DCDC2: variants seen among roughly 807,000 people sequenced by gnomAD.
DCDC2 encodes the protein doublecortin domain containing 2, also known as doublecortin domain-containing protein 2.
In DCDC2, 40 loss-of-function variants were observed where a neutral mutation model predicts 50.2. The observed-to-expected ratio is 0.80, with a 90% CI of 0.62 to 1.04. DCDC2 has a LOEUF of 1.04. DCDC2 is among the 50% of genes least tolerant of loss of function. The pLI, the probability that DCDC2 is intolerant of heterozygous loss-of-function variation, is 0.00. For missense variants in DCDC2, 570 were observed against 581.9 expected (o/e 0.98, Z 0.21); for synonymous variants, 234 against 210.6 (o/e 1.11, Z -0.96).
At chr6:24,254,691 A>G (rs921236056) in intron 7 of DCDC2, among the ~76,000 whole-genome samples, 1 of 152,174 alleles carries the variant, frequency 6.6e-6, no homozygotes. Context: ...CAGACCTGAA[A>G]TTAAAACCAT....
At chr6:24,379,678 T>G in the DCDC2 span, among the ~76,000 whole-genome samples, 1 of 152,182 alleles carries the variant, frequency 6.6e-6, no homozygotes, top group South Asian at 2.1e-4. Flanking sequence ...GACCCAGCGA[T>G]CCCATTACTG....
chr6:24,294,455 A>C (rs1763817978), intron 4 of DCDC2, among the ~76,000 whole-genome samples: 1 of 152,218 alleles, frequency 6.6e-6, no homozygotes, highest in Non-Finnish European at 1.5e-5. Context: ...GCAGAAGACA[A>C]GAAATAACCA....
At chr6:24,205,158 G>A (rs559070275) in intron 7 of DCDC2, 56 bp from the exon 8 acceptor site, 139 of 1,614,096 alleles carry the variant, frequency 8.6e-5, no homozygotes, top group Non-Finnish European at 9.8e-5. Flanking sequence ...TCGTGTGGCT[G>A]AATGCTGGAA....
the DCDC2 span, among the ~76,000 whole-genome samples, chr6:24,381,909 A>T: frequency 6.7e-6 from 1 of 148,822 alleles, no homozygotes. Flanking sequence ...AAGAAGGAGA[A>T]AGAAAAGAGA....
At chr6:24,269,425 T>C (rs1489401175) in intron 7 of DCDC2, among the ~76,000 whole-genome samples, 1 of 152,194 alleles carries the variant, frequency 6.6e-6, no homozygotes, top group Non-Finnish European at 1.5e-5. Flanking sequence ...AAAGGTAAAT[T>C]GCATCTACTT....
intron 2 of DCDC2, among the ~76,000 whole-genome samples, chr6:24,343,833 TTTTA>T (rs772774418): frequency 2.0e-4 from 30 of 152,298 alleles, no homozygotes; most frequent in South Asian, 1.4e-3. Context: ...CTAAGTGGTA[TTTTA>T]TTTATTTTTA....
the DCDC2 span, among the ~76,000 whole-genome samples, chr6:24,376,452 C>A: frequency 6.6e-6 from 1 of 152,064 alleles, no homozygotes; most frequent in Non-Finnish European, 1.5e-5. Flanking sequence ...CAGGGGCCAG[C>A]ACTTGGCTGC....
the DCDC2 span, among the ~76,000 whole-genome samples, chr6:24,379,780 G>A: frequency 6.6e-6 from 1 of 152,170 alleles, no homozygotes; most frequent in East Asian, 1.9e-4. Context: ...GCAAAGACTT[G>A]GAACCAACCC....
chr6:24,308,058 G>A (rs1581644279), intron 2 of DCDC2, among the ~76,000 whole-genome samples: 1 of 152,120 alleles, frequency 6.6e-6, no homozygotes, highest in East Asian at 1.9e-4. Flanking sequence ...CATGACCAAG[G>A]AAACCCAGAT....
At chr6:24,297,231 A>G (rs1759271952) in intron 4 of DCDC2, among the ~76,000 whole-genome samples, 1 of 152,044 alleles carries the variant, frequency 6.6e-6, no homozygotes, top group Non-Finnish European at 1.5e-5. Context: ...CTCACACCAC[A>G]TGTCCTCACT....
intron 8 of DCDC2, among the ~76,000 whole-genome samples, chr6:24,198,882 G>T (rs549473863): frequency 6.6e-6 from 1 of 152,170 alleles, no homozygotes; most frequent in Non-Finnish European, 1.5e-5. Context: ...CAGTGTAAAC[G>T]AAGCCACGGG....
intron 7 of DCDC2, among the ~76,000 whole-genome samples, chr6:24,277,153 T>A (rs1763377269): frequency 6.6e-6 from 1 of 152,198 alleles, no homozygotes; most frequent in African/African-American, 2.4e-5. Flanking sequence ...TAACTCTTCA[T>A]ATCGACTTTG....
intron 7 of DCDC2, among the ~76,000 whole-genome samples, chr6:24,231,216 C>T (rs1368264357): frequency 2.0e-5 from 3 of 152,150 alleles, no homozygotes; most frequent in African/African-American, 7.2e-5. Context: ...CATCTATGTC[C>T]AGGTTTGCTG....
intron 2 of DCDC2, among the ~76,000 whole-genome samples, chr6:24,306,531 TAGATAGATAGATAGACAGAC>T (rs1403547131): frequency 2.1e-4 from 29 of 138,912 alleles, no homozygotes; most frequent in Middle Eastern, 7.1e-3. Flanking sequence ...GATAGATAGA[TAGATAGATAGATAGACAGAC>T]AGACAGACAG....
intron 7 of DCDC2, among the ~76,000 whole-genome samples, chr6:24,235,950 T>C (rs532227013): frequency 1.3e-5 from 2 of 152,264 alleles, no homozygotes; most frequent in East Asian, 1.9e-4. Context: ...AAAGAAATCA[T>C]AGATGACACA....
In DCDC2 at chr6:24,194,038, T is replaced by G. The variant is rs918792715; in HGVS notation, c.1023+10964A>C. On this transcript the variant is annotated intron_variant, in intron 8 of 9. Coordinates refer to ENST00000378454, the MANE Select transcript of DCDC2 (RefSeq NM_016356.5). Reference sequence around the variant, plus strand: ...TTTAAAATAATTTTAAATTAAACTATGAGATGCCATCACTTGTAAGAACCA... The same window carrying G: ...TTTAAAATAATTTTAAATTAAACTAGGAGATGCCATCACTTGTAAGAACCA... Among the ~76,000 whole-genome samples, 6 of 152,138 alleles carry G rather than the reference T, an allele frequency of 3.9e-5. 1 individual carries two copies. The highest frequency in any genetic ancestry group is 3.9e-4 in the Admixed American group (6 of 15,276).
intron 7 of DCDC2, among the ~76,000 whole-genome samples, chr6:24,222,376 T>C (rs1359660496): frequency 6.6e-6 from 1 of 152,240 alleles, no homozygotes; most frequent in African/African-American, 2.4e-5. Flanking sequence ...TATTGAATGT[T>C]CTAACCATCT....
intron 8 of DCDC2, among the ~76,000 whole-genome samples, chr6:24,187,264 T>C (rs1418147082): frequency 6.6e-6 from 1 of 152,036 alleles, no homozygotes; most frequent in African/African-American, 2.4e-5. Context: ...TTCCCAGACA[T>C]AAGTTTGGAG....
intron 6 of DCDC2, among the ~76,000 whole-genome samples, chr6:24,282,941 C>G (rs942205665): frequency 1.3e-5 from 2 of 152,156 alleles, no homozygotes; most frequent in African/African-American, 2.4e-5. Flanking sequence ...TAACTTGCTT[C>G]ACAGTGACAT....
Sources: allele counts gnomAD v4.1 joint callset (sites outside exome capture counted in the v4.1 genomes callset), GRCh38; gene constraint gnomAD v4.1.1; transcripts MANE v1.5; gene names NCBI Gene and HGNC (gene_info 2026-07-23, HGNC 2026-07-21).